The following ABCB9 variants were observed in gnomAD, a reference collection of about 807,000 sequenced individuals.
The protein encoded by ABCB9 is ABC-type oligopeptide transporter ABCB9.
In ABCB9, 36 loss-of-function variants were observed where a neutral mutation model predicts 62.0. The ratio of observed to expected loss-of-function variants is 0.58; its 90% CI spans 0.45 to 0.77. The LOEUF is 0.77. Among genes scored for constraint, ABCB9 ranks in the 30% least tolerant of loss-of-function variants. ABCB9 has a pLI of 0.00. For missense variants in ABCB9, 943 were observed against 1,054.7 expected, an observed-to-expected ratio of 0.89 and a Z score of 1.47; for synonymous variants, 435 against 461.4, an observed-to-expected ratio of 0.94 and a Z score of 0.73.
chr12:122,928,765 G>A (rs751034671), downstream of ABCB9, among the ~76,000 whole-genome samples: 8 of 152,060 alleles, frequency 5.3e-5, no homozygotes, highest in Admixed American at 3.3e-4. Flanking sequence ...TCAAGGCAAC[G>A]TCTCTATCCC....
chr12:122,946,344 C>T (rs2036048167), intron 5 of ABCB9, 122 bp from the exon 6 acceptor site: 2 of 977,344 alleles, frequency 2.0e-6, no homozygotes, highest in African/African-American at 1.6e-5. Flanking sequence ...CAAGAGGTTC[C>T]TAGGACAAAA....
downstream of ABCB9, among the ~76,000 whole-genome samples, chr12:122,925,172 C>T (rs2034860551): frequency 1.3e-5 from 2 of 152,290 alleles, no homozygotes; most frequent in East Asian, 3.9e-4. Flanking sequence ...CTGCCTGCCT[C>T]AGCCTCCCAA....
intron 3 of ABCB9, 42 bp downstream of exon 3, chr12:122,950,409 G>C (rs1424484130): frequency 1.3e-6 from 2 of 1,552,206 alleles, no homozygotes; most frequent in African/African-American, 2.7e-5. Context: ...CCTGGTGCAG[G>C]TCGGGGTGTG....
chr12:122,967,021 G>A, upstream of ABCB9, among the ~76,000 whole-genome samples: 1 of 152,248 alleles, frequency 6.6e-6, no homozygotes, highest in East Asian at 1.9e-4. Flanking sequence ...GAGGGTGTCA[G>A]ACAACACATA....
intron 6 of ABCB9, among the ~76,000 whole-genome samples, chr12:122,945,640 G>A (rs867486217): frequency 5.3e-5 from 8 of 152,162 alleles, no homozygotes; most frequent in African/African-American, 1.2e-4. Context: ...CACTTTGGGA[G>A]GCTGATGCGG....
rs1320345624 is a variant in ABCB9 at position 122,940,119 on chromosome 12, G to A, written c.1735C>T (p.His579Tyr). The A allele has an allele frequency of 1.2e-6, 2 of 1,611,104 alleles. No homozygotes were observed. Among genetic ancestry groups the A allele is most frequent in the Non-Finnish European group, 1.7e-6 (2 of 1,178,854 alleles). Residue 579 changes from histidine to tyrosine, a missense_variant, in exon 9 of 12, where the codon CAC (histidine) becomes TAC (tyrosine). By Grantham distance (83) the His-to-Tyr change is moderately conservative. Transcript: ENST00000280560. This position sits in a 1 kb window ranked among gnomAD's most constrained non-coding sequence, Gnocchi z 4.8. ...CAGGCCCGTGCACATACCACACGGT[G>A]CAAGTACTTGTGGTCGTAGGCGCTG... The part of the protein sequence containing the change: ...PISAYDHKYL[H>Y]RVISLVSQEP...
intron 9 of ABCB9, among the ~76,000 whole-genome samples, chr12:122,937,569 G>A (rs1411226048): frequency 1.3e-5 from 2 of 152,148 alleles, no homozygotes; most frequent in African/African-American, 4.8e-5. Context: ...TCGAAGCGTG[G>A]TACCTACTGC....
intron 2 of ABCB9, among the ~76,000 whole-genome samples, chr12:122,956,473 A>G (rs2036614371): frequency 6.6e-6 from 1 of 151,952 alleles, no homozygotes; most frequent in Middle Eastern, 3.4e-3. Context: ...TTGCATTGTC[A>G]CCTCTCTAGG....
At chr12:122,956,731 G>A (rs1442518877) in intron 2 of ABCB9, among the ~76,000 whole-genome samples, 2 of 152,192 alleles carry the variant, frequency 1.3e-5, no homozygotes, top group Non-Finnish European at 2.9e-5. Context: ...ATGTTGCCAG[G>A]CTGGTCTCGA....
Position 122,948,786 on chromosome 12 carries a change from G to A in ABCB9, c.891C>T (p.Ser297=), listed in dbSNP as rs780907310. The part of the protein sequence containing the change: ...SRLTSDTTMV[S]DLVSQNINVF... The stretch of plus-strand genomic sequence containing the variant: ...CATTGATGTTCTGGGAGACCAGGTC[G>A]CTGACCATGGTGGTGTCCGAGGTCA... The change falls in exon 5 of 12, where the codon AGC becomes AGT. Residue 297 remains serine (S), a synonymous_variant. Transcript: ENST00000280560. 11 of 1,604,572 alleles carry A rather than the reference G, an allele frequency of 6.9e-6. No homozygotes were observed. Among genetic ancestry groups the A allele is most frequent in the African/African-American group, 4.0e-5 (3 of 74,588 alleles).
At chr12:122,961,214 G>C (rs1428278652) in intron 1 of ABCB9, among the ~76,000 whole-genome samples, 1 of 152,026 alleles carries the variant, frequency 6.6e-6, no homozygotes, top group Non-Finnish European at 1.5e-5. Context: ...TTGAGACAGA[G>C]TCTTGCTCTG....
At chr12:122,948,936 CT>C in intron 4 of ABCB9, 107 bp from the exon 5 acceptor site, 4 of 864,432 alleles carry the variant, frequency 4.6e-6, no homozygotes, top group South Asian at 2.1e-5. Flanking sequence ...CCGGGCCTCC[CT>C]ACCTGTGGGC....
Position 122,949,858 on chromosome 12 carries a change from A to ATTTC in ABCB9, c.776_777insGAAA (p.Ile259MetfsTer21), listed in dbSNP as rs2036259601. ...AGCGGAAGAGACAGTTTCGAAGGCGAATGTTCAGTCTGGCAAATATGAGGG... is the reference window on the plus strand; with the variant it reads ...AGCGGAAGAGACAGTTTCGAAGGCGATTTCATGTTCAGTCTGGCAAATATGAGGG... On this transcript the variant is annotated frameshift_variant, in exon 4 of 12. Coordinates refer to ENST00000280560, the MANE Select transcript of ABCB9 (RefSeq NM_019625.4). LOFTEE classifies it high-confidence loss of function. The ATTTC allele has an allele frequency of 1.2e-6, 2 of 1,614,096 alleles. No homozygotes were observed. Among genetic ancestry groups the ATTTC allele is most frequent in the Non-Finnish European group, 1.7e-6 (2 of 1,180,024 alleles).
At position 122,929,218 on chromosome 12, in the gene ABCB9, C is replaced by T. The variant is rs550190762; in HGVS notation, c.*693G>A. On this transcript the variant is annotated 3_prime_UTR_variant, in exon 12 of 12. Transcript: ENST00000280560. The surrounding 1 kb of genome is among the most constrained non-coding windows in gnomAD (Gnocchi z 6.0). ...GACGAGGGGCGAAAGCGCTGGGTGC[C>T]GGGCTGGGGGCACCCCTGAGGCCCC... 2.0e-4 allele frequency: 199 copies of T among 986,158 alleles called. 1 individual carries two copies. In the South Asian group the frequency reaches 4.8e-3, roughly 24 times the overall value. The allele number at this position is 986,158 out of a possible 1,614,324, so 61.1% of individuals were successfully genotyped here.
At chr12:122,968,223 T>C (rs1329290089), upstream of ABCB9, among the ~76,000 whole-genome samples, 3 of 152,222 alleles carry the variant, frequency 2.0e-5, no homozygotes, top group Non-Finnish European at 4.4e-5. Context: ...GAAGACGATA[T>C]CTTGGATGGA....
At chr12:122,968,811 T>G (rs533851857), upstream of ABCB9, among the ~76,000 whole-genome samples, 14 of 151,992 alleles carry the variant, frequency 9.2e-5, no homozygotes, top group South Asian at 2.9e-3. Context: ...GATGGGGTTT[T>G]GCCATGTTGG....
rs2036109883 is a variant in ABCB9, at chr12:122,947,534, G to A, written c.1053+1090C>T. On this transcript the variant is annotated intron_variant, in intron 5 of 11. Transcript: ENST00000280560. This position sits in a 1 kb window ranked among gnomAD's most constrained non-coding sequence, Gnocchi z 6.0. ...CCCCTGCTCTAGAAGTACCCCACGT[G>A]GGCCTGGGTGACTGTGAGGGGGTTG... 12 of 448,542 alleles carry A rather than the reference G, an allele frequency of 2.7e-5. No homozygotes were observed. Among genetic ancestry groups the A allele is most frequent in the South Asian group, 1.7e-4 (11 of 63,730 alleles). The allele number at this position is 448,542 out of a possible 1,614,324, so 27.8% of individuals were successfully genotyped here. A position where few individuals can be genotyped will look rare whatever the true frequency, so the allele number is the denominator to read the frequency against.
Position 122,930,412 on chromosome 12 carries a change from C to CTTT in ABCB9, c.2041-244_2041-242dup, listed in dbSNP as rs397954994. 2.9e-5 allele frequency among the ~76,000 whole-genome samples: 4 copies of CTTT among 136,642 alleles called. No individual in the cohort carries two copies. The highest frequency in any genetic ancestry group is 4.7e-5 in the Non-Finnish European group (3 of 63,578). The allele number at this position is 136,642 out of a possible 152,430, so 89.6% of individuals were successfully genotyped here. ...TCTTCTGGTCCTTCCCTTCCCCCTC[C>CTTT]TTTTTTTTTTTTTTTTTTTTTAAGT... On this transcript the variant is annotated intron_variant, in intron 11 of 11. Transcript: ENST00000280560. The surrounding 1 kb of genome is among the most constrained non-coding windows in gnomAD (Gnocchi z 4.9).
intron 2 of ABCB9, among the ~76,000 whole-genome samples, chr12:122,956,095 C>T (rs1317524305): frequency 6.6e-6 from 1 of 152,156 alleles, no homozygotes; most frequent in Non-Finnish European, 1.5e-5. Context: ...AGGTGGCTTC[C>T]TAAGGAGGGG....
Sources: allele counts gnomAD v4.1 joint callset (sites outside exome capture counted in the v4.1 genomes callset), GRCh38; gene constraint gnomAD v4.1.1; non-coding constraint Gnocchi (gnomAD v3.1); transcripts MANE v1.5; gene names NCBI Gene and HGNC (gene_info 2026-07-23, HGNC 2026-07-21).